Variants in STAM observed in about 807,000 individuals in gnomAD.
STAM encodes signal transducing adapter molecule 1.
Under a neutral mutation model 63.4 loss-of-function variants are expected in STAM, and 16 were observed. The ratio of observed to expected loss-of-function variants is 0.25; its 90% CI spans 0.17 to 0.38. The LOEUF (loss-of-function observed/expected upper bound fraction) is 0.38. Ranked by LOEUF, STAM falls within the 10% of genes least tolerant of loss-of-function variation. STAM has a pLI of 1.00. For synonymous variants in STAM, 238 were observed against 223.9 expected (o/e 1.06, Z -0.56); for missense variants, 636 against 657.1 (o/e 0.97, Z 0.35).
chr10:17,657,025 G>A (rs1589029571), intron 1 of STAM, among the ~76,000 whole-genome samples: 1 of 152,166 alleles, frequency 6.6e-6, no homozygotes, highest in East Asian at 1.9e-4. Context: ...AGTGTGTTTA[G>A]AAAGTTGTAT....
intron 1 of STAM, among the ~76,000 whole-genome samples, chr10:17,656,731 G>T (rs559303101): frequency 5.3e-5 from 8 of 152,308 alleles, no homozygotes; most frequent in African/African-American, 1.7e-4. Flanking sequence ...ACCAATCTCA[G>T]TTCTTGCCTC....
chr10:17,711,807 C>A (rs1836567920), intron 13 of STAM, among the ~76,000 whole-genome samples: 1 of 152,146 alleles, frequency 6.6e-6, no homozygotes, highest in African/African-American at 2.4e-5. Flanking sequence ...GTTCTAGATA[C>A]CATCTTAGGG....
At position 17,644,294 on chromosome 10, in the gene STAM, T is replaced by G; in HGVS notation, c.-46T>G. 6.2e-7 allele frequency: 1 copy of G among 1,606,154 alleles called. No homozygotes were observed. The highest frequency in any genetic ancestry group is 8.5e-7 in the Non-Finnish European group (1 of 1,172,860). ...ATCCTACGTCGAGCTCTGACTCCCG[T>G]GCTGTCGAGAGGGAGTCCCCGGGGA... On this transcript the variant is annotated 5_prime_UTR_variant, in exon 1 of 14. Coordinates refer to ENST00000377524, the MANE Select transcript of STAM (RefSeq NM_003473.4).
chr10:17,709,048 C>T, intron 13 of STAM, 97 bp downstream of exon 13: 1 of 1,419,562 alleles, frequency 7.0e-7, no homozygotes, highest in Non-Finnish European at 9.6e-7. Flanking sequence ...TAATAAATAT[C>T]TGTGGTCAGC....
At chr10:17,702,791 C>T (rs541321472) in intron 9 of STAM, among the ~76,000 whole-genome samples, 65 of 152,116 alleles carry the variant, frequency 4.3e-4, no homozygotes, top group Admixed American at 3.5e-3. Context: ...GGGCAGATCA[C>T]GAGGTCAGGA....
intron 5 of STAM, among the ~76,000 whole-genome samples, chr10:17,691,073 T>G (rs906582427): frequency 5.3e-5 from 8 of 152,222 alleles, no homozygotes; most frequent in Admixed American, 1.3e-4. Context: ...GTAAAACTTA[T>G]TTCTGACCAG....
At chr10:17,659,703 T>C (rs1422331217) in intron 1 of STAM, among the ~76,000 whole-genome samples, 1 of 151,984 alleles carries the variant, frequency 6.6e-6, no homozygotes, top group Non-Finnish European at 1.5e-5. Context: ...CCTCAAGTGA[T>C]CCTCCCACCT....
chr10:17,656,506 C>A (rs1833945975), intron 1 of STAM, among the ~76,000 whole-genome samples: 1 of 152,068 alleles, frequency 6.6e-6, no homozygotes, highest in South Asian at 2.1e-4. Context: ...TTAGGTCTTT[C>A]CTCTTGGGCT....
intron 7 of STAM, among the ~76,000 whole-genome samples, chr10:17,695,546 C>T (rs1036569073): frequency 3.3e-5 from 5 of 152,086 alleles, no homozygotes; most frequent in African/African-American, 1.2e-4. Context: ...TTTAGAAAAA[C>T]ACTGAGTATG....
intron 13 of STAM, among the ~76,000 whole-genome samples, chr10:17,709,775 A>G (rs1325460672): frequency 6.6e-6 from 1 of 150,992 alleles, no homozygotes; most frequent in Non-Finnish European, 1.5e-5. Flanking sequence ...CCTCTCTTGC[A>G]CTACTCATCC....
At chr10:17,660,610 G>T in intron 2 of STAM, 62 bp downstream of exon 2, 1 of 1,364,402 alleles carries the variant, frequency 7.3e-7, no homozygotes, top group Non-Finnish European at 1.0e-6. Flanking sequence ...GAAAGGCCAG[G>T]TGCAGTGGCT....
intron 12 of STAM, among the ~76,000 whole-genome samples, chr10:17,707,671 C>T (rs539269339): frequency 2.0e-5 from 3 of 152,162 alleles, no homozygotes; most frequent in Admixed American, 2.0e-4. Flanking sequence ...GTTAGGAGGA[C>T]TGGTATAGCT....
chr10:17,707,930 G>T (rs574895070), intron 12 of STAM, among the ~76,000 whole-genome samples: 14 of 149,780 alleles, frequency 9.3e-5, no homozygotes, highest in Admixed American at 9.3e-4. Context: ...TTGCTTTGTC[G>T]CCCAGGCTGG....
chr10:17,659,178 T>C (rs147369166), intron 1 of STAM, among the ~76,000 whole-genome samples: 190 of 152,224 alleles, frequency 1.2e-3, no homozygotes, highest in African/African-American at 4.4e-3. Context: ...CAAGTCTGCT[T>C]TCAGATAACA....
At chr10:17,683,911 G>T (rs574946195) in intron 2 of STAM, among the ~76,000 whole-genome samples, 15 of 152,112 alleles carry the variant, frequency 9.9e-5, no homozygotes, top group Non-Finnish European at 1.6e-4. Flanking sequence ...AGGAGTATTG[G>T]ACTTTATTTT....
At chr10:17,669,884 C>CTTTTTTTTTTTT (rs76381388) in intron 2 of STAM, among the ~76,000 whole-genome samples, 156 of 120,726 alleles carry the variant, frequency 1.3e-3, no homozygotes, top group African/African-American at 1.8e-3. Flanking sequence ...CTTTTCTTTT[C>CTTTTTTTTTTTT]TTTTTTTTTT....
At chr10:17,712,951 A>G (rs1312997085) in intron 13 of STAM, among the ~76,000 whole-genome samples, 6 of 152,046 alleles carry the variant, frequency 3.9e-5, no homozygotes, top group African/African-American at 1.5e-4. Context: ...GTGCTTCCGT[A>G]TTTTCAAGGA....
chr10:17,658,877 C>G (rs1480360219), intron 1 of STAM, among the ~76,000 whole-genome samples: 1 of 152,190 alleles, frequency 6.6e-6, no homozygotes, highest in Non-Finnish European at 1.5e-5. Context: ...TTTTGATTCA[C>G]TTTGACAATT....
chr10:17,701,756 A>G (rs1836008518), intron 9 of STAM, among the ~76,000 whole-genome samples: 1 of 152,110 alleles, frequency 6.6e-6, no homozygotes, highest in Non-Finnish European at 1.5e-5. Flanking sequence ...TCTTCTCTCC[A>G]ACTTTACGGA....
Sources: allele counts gnomAD v4.1 joint callset (sites outside exome capture counted in the v4.1 genomes callset), GRCh38; gene constraint gnomAD v4.1.1; transcripts MANE v1.5; gene names NCBI Gene and HGNC (gene_info 2026-07-23, HGNC 2026-07-21).